Variants in ADCY3 observed in about 807,000 individuals in gnomAD.
The protein encoded by ADCY3 is adenylate cyclase type 3.
In ADCY3, 70 loss-of-function variants were observed where a neutral mutation model predicts 119.4. That is an observed-to-expected ratio of 0.59 (90% CI 0.48 to 0.72). The LOEUF (loss-of-function observed/expected upper bound fraction) is 0.72, where lower values mean the gene tolerates loss of function less well. Ranked by LOEUF, ADCY3 falls within the 30% of genes least tolerant of loss-of-function variation. The probability of loss-of-function intolerance (pLI) is 0.00; values close to 1 mark genes in which losing one functional copy is unlikely to be tolerated. For missense variants in ADCY3, 1,238 were observed against 1,541.6 expected (o/e 0.80, Z 3.30); for synonymous variants, 672 against 621.4 (o/e 1.08, Z -1.21).
At chr2:24,869,593 A>G (rs994840569) in intron 3 of ADCY3, among the ~76,000 whole-genome samples, 2 of 151,890 alleles carry the variant, frequency 1.3e-5, no homozygotes, top group African/African-American at 4.8e-5. Flanking sequence ...TTTTGTAGAG[A>G]TGGGGTCTCG....
chr2:24,852,920 C>T (rs1572892836), intron 3 of ADCY3, among the ~76,000 whole-genome samples: 1 of 152,170 alleles, frequency 6.6e-6, no homozygotes, highest in Non-Finnish European at 1.5e-5. Flanking sequence ...GTGGGGAAGC[C>T]ACGGACCGTG....
chr2:24,822,326 C>T (rs11691159), intron 19 of ADCY3, 185 bp downstream of exon 19: 88,545 of 812,878 alleles, frequency 0.11, 5,805 homozygotes, highest in Non-Finnish European at 0.13. Context: ...TGTGTCTGTT[C>T]TGTTTCTCTG....
In ADCY3 at chr2:24,819,889, A is replaced by G; in HGVS notation, c.*43T>C. Reference sequence around the variant, plus strand: ...GGGACTTCCTTCAGTTTCAAAAAATAAATTCTCCCTTCCGGTTTGGACTGT... The same window carrying G: ...GGGACTTCCTTCAGTTTCAAAAAATGAATTCTCCCTTCCGGTTTGGACTGT... On this transcript the variant is annotated 3_prime_UTR_variant, in exon 22 of 22. Coordinates refer to ENST00000679454, the MANE Select transcript of ADCY3 (RefSeq NM_004036.5). 6.3e-7 allele frequency: 1 copy of G among 1,593,510 alleles called. No individual in the cohort carries two copies. Among genetic ancestry groups the G allele is most frequent in the Admixed American group, 1.8e-5 (1 of 56,734 alleles).
At position 24,839,977 on chromosome 2, in the gene ADCY3, C is replaced by A. The variant is rs140554416; in HGVS notation, c.1251G>T (p.Thr417=). 1.9e-6 allele frequency: 3 copies of A among 1,613,724 alleles called. No homozygotes were observed. The African/African-American group carries it at 4.0e-5, about 22-fold the overall frequency. ...CCAGGACGCCCCCCAGCACGGTGCC[C>A]GTGTGCACCCCCACACGCATGTCCA... ...TGVDMRVGVH[T]GTVLGGVLGQ... is the part of the protein sequence containing the mutation. Residue 417 remains threonine (T), a synonymous_variant, in exon 7 of 22, where the codon ACG becomes ACT. Coordinates refer to ENST00000679454, the MANE Select transcript of ADCY3 (RefSeq NM_004036.5).
At chr2:24,822,279 A>G (rs1667868613) in intron 19 of ADCY3, 3 of 488,896 alleles carry the variant, frequency 6.1e-6, no homozygotes, top group Non-Finnish European at 1.1e-5. Flanking sequence ...ACAGAACACA[A>G]CCATCTTAGG....
chr2:24,830,757 C>T lies in ADCY3; in HGVS notation c.2124G>A (p.Trp708Ter). 6.2e-7 allele frequency: 1 copy of T among 1,614,072 alleles called. No homozygotes were observed. The highest frequency in any genetic ancestry group is 8.5e-7 in the Non-Finnish European group (1 of 1,180,002). ...IDRTRWARNT[W>*]AMLAIFILVM... ...CCAGGATGAAGATGGCGAGCATGGC[C>T]CAGGTGTTCCTGGCCCAGCGGGTCC... The change falls in exon 13 of 22, where the codon TGG becomes TGA. Residue 708 changes from tryptophan (W) to a stop codon, truncating the protein, a stop_gained. Transcript: ENST00000679454. LOFTEE classifies it high-confidence loss of function.
rs1042186830 is a variant in ADCY3 at position 24,878,960 on chromosome 2, G to A, written c.676-6241C>T. ...TGGAAAGCAAACTCCATGCAGCCGG[G>A]ACACGGGTTGTTTCCCTGCTGGCTC... On this transcript the variant is annotated intron_variant, in intron 2 of 21. Transcript: ENST00000679454. This position sits in a 1 kb window ranked among gnomAD's most constrained non-coding sequence, Gnocchi z 4.0. 6.6e-5 allele frequency among the ~76,000 whole-genome samples: 10 copies of A among 152,180 alleles called. No homozygotes were observed. The highest frequency in any genetic ancestry group is 1.2e-4 in the Non-Finnish European group (8 of 68,038).
rs571880462 is a variant in ADCY3 at position 24,842,184 on chromosome 2, C to T, written c.956+70G>A. ...ACCTCTTGAAGCCCACAGCACCTAG[C>T]GGGTCCCACAAAGATGCAGCCCTCC... On this transcript the variant is annotated intron_variant, in intron 4 of 21. Coordinates refer to ENST00000679454, the MANE Select transcript of ADCY3 (RefSeq NM_004036.5). The surrounding 1 kb of genome is among the most constrained non-coding windows in gnomAD (Gnocchi z 4.9). 31 of 1,602,412 alleles carry T rather than the reference C, an allele frequency of 1.9e-5. No individual in the cohort carries two copies. In the East Asian group the frequency reaches 2.2e-4, roughly 12 times the overall value.
intron 2 of ADCY3, among the ~76,000 whole-genome samples, chr2:24,876,659 G>A (rs143881527): frequency 2.0e-5 from 3 of 152,306 alleles, no homozygotes; most frequent in East Asian, 1.9e-4. Flanking sequence ...CCAGGCAGGT[G>A]TGGCCGCAGG....
At chr2:24,854,015 T>C (rs1390278520) in intron 3 of ADCY3, among the ~76,000 whole-genome samples, 1 of 152,254 alleles carries the variant, frequency 6.6e-6, no homozygotes, top group Non-Finnish European at 1.5e-5. Context: ...GTGTTGTCTC[T>C]CCTTTATAAA....
chr2:24,824,458 G>A lies in ADCY3; in HGVS notation c.2656C>T (p.Arg886Cys), dbSNP rs199524620. Residue 886 changes from arginine to cysteine, a missense_variant, in exon 17 of 22, where the codon CGC becomes TGC. Coordinates refer to ENST00000679454, the MANE Select transcript of ADCY3 (RefSeq NM_004036.5). ...DQKERVYEMR[R>C]WNEALVTNML... is the part of the protein sequence containing the mutation. ...TTGGTGACCAAGGCCTCGTTCCAGC[G>A]TCGCATCTCATAGACACGTTCCTTC... 250 of 1,614,098 alleles carry A rather than the reference G, an allele frequency of 1.5e-4. No homozygotes were observed. The highest frequency in any genetic ancestry group is 1.9e-4 in the Non-Finnish European group (226 of 1,180,056).
intron 3 of ADCY3, among the ~76,000 whole-genome samples, chr2:24,851,471 A>T (rs973965328): frequency 6.6e-6 from 1 of 152,210 alleles, no homozygotes; most frequent in Admixed American, 6.5e-5. Flanking sequence ...TTTGCAGGTG[A>T]CAAAGCCTAG....
At chr2:24,894,803 C>T (rs10207698) in intron 2 of ADCY3, among the ~76,000 whole-genome samples, 70,841 of 151,514 alleles carry the variant, frequency 0.47, 19,550 homozygotes, top group African/African-American at 0.78. Context: ...CTGCTGGTTA[C>T]GAATTCTCTC....
Position 24,828,060 on chromosome 2 carries a change from G to A in ADCY3, c.2274C>T (p.Ala758=), listed in dbSNP as rs145224170. The change falls in exon 14 of 22, where the codon GCC becomes GCT. Residue 758 remains alanine, a synonymous_variant. Coordinates refer to ENST00000679454, the MANE Select transcript of ADCY3 (RefSeq NM_004036.5). ...LENPKYYNYV[A]VLSLIATIML... is the part of the protein sequence containing the mutation. ...TGATGGTGGCGATGAGGGACAGCAC[G>A]GCCACATAGTTGTAATACTTGGGGT... is the stretch of plus-strand genomic sequence containing the variant. 1.3e-5 allele frequency: 21 copies of A among 1,614,202 alleles called. No homozygotes were observed. Among genetic ancestry groups the A allele is most frequent in the South Asian group, 5.5e-5 (5 of 91,088 alleles).
chr2:24,831,733 CAT>C lies in ADCY3; in HGVS notation c.1982_1983del (p.Tyr661CysfsTer28). 2 of 1,604,248 alleles carry C rather than the reference CAT, an allele frequency of 1.2e-6. No homozygotes were observed. The highest frequency in any genetic ancestry group is 1.7e-6 in the Non-Finnish European group (2 of 1,174,262). On this transcript the variant is annotated frameshift_variant, in exon 12 of 22. Transcript: ENST00000679454. LOFTEE classifies it high-confidence loss of function. ...ILIDPWLMTN[Y>X]VTFMVGEILL... ...AGAATCTCCCCCACCATGAAGGTCA[CAT>C]AGTTTGTCATTAGCCTGTGACAGAG...
Position 24,872,457 on chromosome 2 carries a change from G to A in ADCY3, c.825+113C>T. On this transcript the variant is annotated intron_variant, in intron 3 of 21. Transcript: ENST00000679454. This position sits in a 1 kb window ranked among gnomAD's most constrained non-coding sequence, Gnocchi z 4.4. Reference sequence around the variant, plus strand: ...CAGAAGCAAACACCTGAACAGGGTGGATGAACGCCAAGCCCCACGGAGCCA... The same window carrying A: ...CAGAAGCAAACACCTGAACAGGGTGAATGAACGCCAAGCCCCACGGAGCCA... 2 of 1,315,000 alleles carry A rather than the reference G, an allele frequency of 1.5e-6. No homozygotes were observed. The highest frequency in any genetic ancestry group is 2.1e-6 in the Non-Finnish European group (2 of 954,508). 81.5% of individuals were successfully genotyped at this position (1,315,000 alleles called of 1,614,324 possible).
chr2:24,849,106 C>G (rs1275319788), intron 3 of ADCY3, among the ~76,000 whole-genome samples: 1 of 152,230 alleles, frequency 6.6e-6, no homozygotes. Flanking sequence ...GCTGGCCTCC[C>G]TCCCAGCCTA....
intron 2 of ADCY3, among the ~76,000 whole-genome samples, chr2:24,912,327 A>C (rs1663812048): frequency 6.6e-6 from 1 of 151,902 alleles, no homozygotes; most frequent in Non-Finnish European, 1.5e-5. Flanking sequence ...GAAGAAGAAA[A>C]AGAAAAAAAG....
chr2:24,851,206 T>C (rs1424496290), intron 3 of ADCY3, among the ~76,000 whole-genome samples: 3 of 151,970 alleles, frequency 2.0e-5, no homozygotes, highest in African/African-American at 7.3e-5. Context: ...AGCTTGGACA[T>C]AACCTGAGGA....
Sources: gnomAD v4.1 joint callset for allele counts (sites outside exome capture counted in the v4.1 genomes callset) on GRCh38, gnomAD v4.1.1 for gene constraint, Gnocchi (gnomAD v3.1) non-coding constraint, MANE v1.5 for transcripts, NCBI Gene and HGNC (gene_info 2026-07-23, HGNC 2026-07-21) for gene names.